ZBTB20: variants seen among roughly 807,000 people sequenced by gnomAD.
ZBTB20 encodes the protein zinc finger and BTB domain containing 20.
In ZBTB20, 9 loss-of-function variants were observed where a neutral mutation model predicts 56.9. That is an observed-to-expected ratio of 0.16 (90% CI 0.10 to 0.28). The LOEUF is 0.28. ZBTB20 is among the 10% of genes least tolerant of loss of function. The pLI, the probability that ZBTB20 is intolerant of heterozygous loss-of-function variation, is 1.00. For missense variants in ZBTB20, 655 were observed against 1,003.0 expected (o/e 0.65, Z 4.69); for synonymous variants, 417 against 420.7 (o/e 0.99, Z 0.11).
chr3:115,068,674 C>G (rs1480593031), intron 2 of ZBTB20, among the ~76,000 whole-genome samples: 2 of 152,020 alleles, frequency 1.3e-5, no homozygotes, highest in Non-Finnish European at 2.9e-5. Flanking sequence ...GACCTAATTT[C>G]CATTATAGGC....
chr3:114,575,455 T>C (rs1235521529), intron 6 of ZBTB20, among the ~76,000 whole-genome samples: 1 of 152,160 alleles, frequency 6.6e-6, no homozygotes, highest in African/African-American at 2.4e-5. Flanking sequence ...AAGCACAGTA[T>C]TTTTTATCCT....
intron 3 of ZBTB20, among the ~76,000 whole-genome samples, chr3:114,943,610 C>T (rs1376617910): frequency 2.8e-5 from 4 of 144,914 alleles, no homozygotes; most frequent in South Asian, 2.1e-4. Context: ...CAGTTAGACA[C>T]AACAGAAGAT....
At chr3:114,655,392 ACAGGC>A in intron 6 of ZBTB20, among the ~76,000 whole-genome samples, 1 of 150,904 alleles carries the variant, frequency 6.6e-6, no homozygotes, top group Admixed American at 6.6e-5. Flanking sequence ...AGCTGGGACT[ACAGGC>A]GCCCGCCACC....
intron 3 of ZBTB20, among the ~76,000 whole-genome samples, chr3:114,946,047 A>C (rs1423482074): frequency 6.9e-6 from 1 of 145,846 alleles, no homozygotes; most frequent in Non-Finnish European, 1.5e-5. Context: ...AGGTGAAATA[A>C]ACAAATACAC....
At chr3:114,935,936 T>A (rs1021307956) in intron 3 of ZBTB20, among the ~76,000 whole-genome samples, 4 of 152,194 alleles carry the variant, frequency 2.6e-5, no homozygotes, top group African/African-American at 9.7e-5. Context: ...ATAATGAGCA[T>A]CTATCCATCC....
chr3:114,993,348 G>A (rs1305678116), intron 2 of ZBTB20, among the ~76,000 whole-genome samples: 1 of 151,820 alleles, frequency 6.6e-6, no homozygotes, highest in African/African-American at 2.4e-5. Flanking sequence ...AAAGGAGTGA[G>A]TCATGAGGCA....
intron 6 of ZBTB20, among the ~76,000 whole-genome samples, chr3:114,556,694 C>A (rs1036795492): frequency 3.3e-5 from 5 of 152,110 alleles, no homozygotes; most frequent in African/African-American, 1.2e-4. Context: ...ATGAGTTATG[C>A]CAACCTAACT....
intron 6 of ZBTB20, among the ~76,000 whole-genome samples, chr3:114,638,743 A>G (rs1368015754): frequency 2.0e-5 from 3 of 152,130 alleles, no homozygotes; most frequent in Non-Finnish European, 4.4e-5. Flanking sequence ...ATAAAAAATT[A>G]TATGACAAAA....
At chr3:114,455,181 G>C (rs1241590790) in intron 7 of ZBTB20, among the ~76,000 whole-genome samples, 1 of 151,978 alleles carries the variant, frequency 6.6e-6, no homozygotes, top group Non-Finnish European at 1.5e-5. Flanking sequence ...GCGAGAGGGA[G>C]AGCGGCACTG....
chr3:114,905,670 A>G (rs1342477279), intron 3 of ZBTB20, among the ~76,000 whole-genome samples: 4 of 151,914 alleles, frequency 2.6e-5, no homozygotes, highest in Admixed American at 6.6e-5. Flanking sequence ...GTTATTCCCA[A>G]TCTTTAAAGG....
At chr3:115,094,756 T>C (rs976712772) in intron 1 of ZBTB20, among the ~76,000 whole-genome samples, 1 of 151,900 alleles carries the variant, frequency 6.6e-6, no homozygotes, top group Admixed American at 6.6e-5. Context: ...AAAACAAAAA[T>C]GTAAAGCCTT....
intron 3 of ZBTB20, among the ~76,000 whole-genome samples, chr3:114,961,011 T>C (rs931999595): frequency 6.6e-6 from 1 of 151,044 alleles, no homozygotes; most frequent in Non-Finnish European, 1.5e-5. Context: ...GTGATGGAGG[T>C]CCCTGCAGCA....
intron 2 of ZBTB20, among the ~76,000 whole-genome samples, chr3:115,050,912 A>G (rs901498805): frequency 6.6e-6 from 1 of 152,134 alleles, no homozygotes; most frequent in Non-Finnish European, 1.5e-5. Flanking sequence ...AAGTCAATCC[A>G]AAATCATAGG....
chr3:114,898,216 C>A (rs868071767), intron 4 of ZBTB20, among the ~76,000 whole-genome samples: 5 of 152,002 alleles, frequency 3.3e-5, no homozygotes, highest in Non-Finnish European at 2.9e-5. Flanking sequence ...TCAGGAAAGA[C>A]GAGGCATTAA....
At chr3:114,576,020 T>G (rs1295579797) in intron 6 of ZBTB20, among the ~76,000 whole-genome samples, 1 of 152,164 alleles carries the variant, frequency 6.6e-6, no homozygotes, top group Non-Finnish European at 1.5e-5. Flanking sequence ...CAATGAGAGC[T>G]CAGCTATGTT....
chr3:114,606,201 A>C (rs936565507), intron 6 of ZBTB20, among the ~76,000 whole-genome samples: 13 of 152,176 alleles, frequency 8.5e-5, no homozygotes, highest in African/African-American at 2.4e-5. Flanking sequence ...TTGTCTCTGG[A>C]AGCATGGTTC....
intron 4 of ZBTB20, among the ~76,000 whole-genome samples, chr3:114,809,540 T>TA (rs1395041929): frequency 6.6e-6 from 1 of 152,152 alleles, no homozygotes; most frequent in Non-Finnish European, 1.5e-5. Flanking sequence ...TATGTTTATA[T>TA]TGATACTCTC....
intron 3 of ZBTB20, among the ~76,000 whole-genome samples, chr3:114,910,983 T>C (rs897635121): frequency 1.3e-5 from 2 of 152,050 alleles, no homozygotes; most frequent in African/African-American, 2.4e-5. Context: ...TTTCACAAAA[T>C]TTGGGAATTT....
At chr3:115,088,746 C>G (rs2083081126) in intron 1 of ZBTB20, among the ~76,000 whole-genome samples, 2 of 151,746 alleles carry the variant, frequency 1.3e-5, no homozygotes, top group Admixed American at 6.6e-5. Context: ...GCTCAAGAGT[C>G]AGTTTTTAGA....
Sources: gnomAD v4.1 joint callset for allele counts (sites outside exome capture counted in the v4.1 genomes callset) on GRCh38, gnomAD v4.1.1 for gene constraint, MANE v1.5 for transcripts, NCBI Gene and HGNC (gene_info 2026-07-23, HGNC 2026-07-21) for gene names.